ARHGAP32: variants seen among roughly 807,000 people sequenced by gnomAD.
The protein encoded by ARHGAP32 is Rho GTPase activating protein 32.
Under a neutral mutation model 186.5 loss-of-function variants are expected in ARHGAP32, and 51 were observed. That is an observed-to-expected ratio of 0.27 (90% CI 0.22 to 0.35). The LOEUF is 0.35. ARHGAP32 is among the 10% of genes least tolerant of loss of function. The probability of loss-of-function intolerance (pLI) is 1.00; values close to 1 mark genes in which losing one functional copy is unlikely to be tolerated. For missense variants in ARHGAP32, 2,186 were observed against 2,623.5 expected, an observed-to-expected ratio of 0.83 and a Z score of 3.64; for synonymous variants, 950 against 964.3, an observed-to-expected ratio of 0.99 and a Z score of 0.27.
intron 1 of ARHGAP32, among the ~76,000 whole-genome samples, chr11:129,252,083 A>C (rs1394156030): frequency 1.3e-5 from 2 of 152,182 alleles, no homozygotes; most frequent in African/African-American, 4.8e-5. Flanking sequence ...CAATTATTAA[A>C]AGTAGTAATA....
At position 128,970,565 on chromosome 11, in the gene ARHGAP32, T is replaced by C; in HGVS notation, c.4648A>G (p.Thr1550Ala). 6.2e-7 allele frequency: 1 copy of C among 1,614,120 alleles called. No homozygotes were observed. Residue 1550 changes from threonine to alanine, a missense_variant, in exon 23 of 23, where the codon ACA becomes GCA. By Grantham distance (58) the Thr-to-Ala change is moderately conservative (BLOSUM62 0). Around this residue, in one of 5 missense-constraint regions of ARHGAP32, gnomAD observed 1,502 missense variants for 1,570.0 expected, o/e 0.96. Coordinates refer to ENST00000682385, the MANE Select transcript of ARHGAP32 (RefSeq NM_001378024.1). The surrounding 1 kb of genome is among the most constrained non-coding windows in gnomAD (Gnocchi z 5.8). ...PPASMGLRYN[T>A]YVAPGRNASG... is the part of the protein sequence containing the mutation. ...GCGTTTCTTCCTGGGGCCACATATG[T>C]GTTATAACGAAGACCCATGGAGGCT...
intron 1 of ARHGAP32, among the ~76,000 whole-genome samples, chr11:129,242,230 C>T (rs1208001589): frequency 6.6e-6 from 1 of 152,136 alleles, no homozygotes; most frequent in Non-Finnish European, 1.5e-5. Flanking sequence ...AGTACTTGAA[C>T]ATACTTACTC....
chr11:129,014,355 A>G (rs912663151), intron 11 of ARHGAP32, among the ~76,000 whole-genome samples: 6 of 152,194 alleles, frequency 3.9e-5, no homozygotes, highest in Admixed American at 1.3e-4. Flanking sequence ...ATGGAGAGGC[A>G]GGGCAGTGCT....
intron 2 of ARHGAP32, among the ~76,000 whole-genome samples, chr11:129,143,088 T>TATATATATATATATAAATAA (rs886102587): frequency 6.7e-6 from 1 of 149,022 alleles, no homozygotes; most frequent in Non-Finnish European, 1.5e-5. Flanking sequence ...TATATATATA[T>TATATATATATATATAAATAA]AATCAACTGA....
At chr11:129,024,548 T>C (rs750544068) in intron 11 of ARHGAP32, among the ~76,000 whole-genome samples, 3 of 152,236 alleles carry the variant, frequency 2.0e-5, no homozygotes, top group Admixed American at 6.5e-5. Context: ...TGAGCTAAGA[T>C]TGTTATTCTA....
intron 6 of ARHGAP32, among the ~76,000 whole-genome samples, chr11:129,073,389 T>C (rs1837383432): frequency 1.3e-5 from 2 of 151,924 alleles, no homozygotes; most frequent in South Asian, 2.1e-4. Context: ...AAGCAGAGAA[T>C]TGGAAATTAT....
At chr11:129,047,141 A>C (rs1939844813) in intron 10 of ARHGAP32, among the ~76,000 whole-genome samples, 1 of 151,950 alleles carries the variant, frequency 6.6e-6, no homozygotes, top group Admixed American at 6.6e-5. Context: ...AAAAAAAAAA[A>C]AAAATTCTCT....
intron 2 of ARHGAP32, among the ~76,000 whole-genome samples, chr11:129,147,041 G>A (rs1034208249): frequency 1.3e-5 from 2 of 151,900 alleles, no homozygotes; most frequent in African/African-American, 2.4e-5. Context: ...GTAAAATTGT[G>A]GCTCTAATCT....
At chr11:129,155,939 G>C (rs890524091) in intron 2 of ARHGAP32, among the ~76,000 whole-genome samples, 5 of 152,240 alleles carry the variant, frequency 3.3e-5, no homozygotes, top group African/African-American at 1.2e-4. Context: ...CCAAAGCAGA[G>C]TGGGGCGTTG....
At chr11:129,192,947 T>C (rs1220580035), upstream of ARHGAP32, among the ~76,000 whole-genome samples, 1 of 152,098 alleles carries the variant, frequency 6.6e-6, no homozygotes, top group Non-Finnish European at 1.5e-5. Context: ...ATGGTGGCAA[T>C]AAAATGACTT....
intron 11 of ARHGAP32, among the ~76,000 whole-genome samples, chr11:129,011,927 G>A (rs1298606747): frequency 6.6e-6 from 1 of 152,070 alleles, no homozygotes; most frequent in Non-Finnish European, 1.5e-5. Context: ...GTACATGTGA[G>A]CTTATTTTTG....
At chr11:129,029,822 A>AAAAAAAAAAAT (rs1939033662) in intron 11 of ARHGAP32, among the ~76,000 whole-genome samples, 1 of 150,798 alleles carries the variant, frequency 6.6e-6, no homozygotes, top group Non-Finnish European at 1.5e-5. Flanking sequence ...AAAAAAAAAA[A>AAAAAAAAAAAT]AAAACGGGTA....
intron 1 of ARHGAP32, among the ~76,000 whole-genome samples, chr11:129,270,418 T>C (rs1180329382): frequency 6.6e-6 from 1 of 151,960 alleles, no homozygotes; most frequent in East Asian, 1.9e-4. Flanking sequence ...CAAACTACTC[T>C]ATAAGATACT....
chr11:129,149,515 G>A (rs1290547600), intron 2 of ARHGAP32, among the ~76,000 whole-genome samples: 3 of 152,170 alleles, frequency 2.0e-5, no homozygotes. Context: ...CCTGCTGGGT[G>A]GCTAGACCCA....
At chr11:129,086,431 A>G (rs1357214010) in intron 6 of ARHGAP32, among the ~76,000 whole-genome samples, 1 of 152,236 alleles carries the variant, frequency 6.6e-6, no homozygotes, top group East Asian at 1.9e-4. Flanking sequence ...ATAAATAATA[A>G]TCTGGACTTC....
rs138173171 is a variant in ARHGAP32 at position 129,043,532 on chromosome 11, G to A, written c.964-2523C>T. On this transcript the variant is annotated intron_variant, in intron 10 of 22. Transcript: ENST00000682385. ...CTCCCAAGTAACTGGGATTATACGC[G>A]TGCGCCACCATGCCCGGCTAATTTT... is the stretch of plus-strand genomic sequence containing the variant. 5.2e-3 allele frequency among the ~76,000 whole-genome samples: 795 copies of A among 151,722 alleles called. 13 individuals are homozygous for A. Among genetic ancestry groups the A allele is most frequent in the African/African-American group, 0.018 (751 of 41,402 alleles).
intron 10 of ARHGAP32, among the ~76,000 whole-genome samples, chr11:129,044,632 G>A (rs1939735252): frequency 6.6e-6 from 1 of 152,170 alleles, no homozygotes; most frequent in South Asian, 2.1e-4. Context: ...ATCTGCTGAA[G>A]TTTCCTGACT....
At chr11:129,278,014 C>T (rs1406036592) in intron 1 of ARHGAP32, among the ~76,000 whole-genome samples, 1 of 152,202 alleles carries the variant, frequency 6.6e-6, no homozygotes, top group Non-Finnish European at 1.5e-5. Context: ...TTCAAACTAG[C>T]AAACTGTGGA....
intron 1 of ARHGAP32, among the ~76,000 whole-genome samples, chr11:129,269,783 C>G (rs1042655555): frequency 6.6e-6 from 1 of 152,052 alleles, no homozygotes; most frequent in Non-Finnish European, 1.5e-5. Context: ...TAAGACAGAA[C>G]GTGCTTTTAT....
Sources: allele counts gnomAD v4.1 joint callset (sites outside exome capture counted in the v4.1 genomes callset), GRCh38; gene constraint gnomAD v4.1.1; regional missense constraint gnomAD v4.1.1; non-coding constraint Gnocchi (gnomAD v3.1); transcripts MANE v1.5; gene names NCBI Gene and HGNC (gene_info 2026-07-23, HGNC 2026-07-21).